Variants in GADL1 observed in about 807,000 individuals in gnomAD.
The protein encoded by GADL1 is acidic amino acid decarboxylase GADL1.
Under a neutral mutation model 69.5 loss-of-function variants are expected in GADL1, and 71 were observed. That is an observed-to-expected ratio of 1.02 (90% CI 0.84 to 1.25). The LOEUF (loss-of-function observed/expected upper bound fraction) is 1.25. Among genes scored for constraint, GADL1 ranks in the 50% most tolerant of loss-of-function variants. GADL1 has a pLI of 0.00. For missense variants in GADL1, 737 were observed against 631.8 expected (o/e 1.17, Z -1.79); for synonymous variants, 254 against 214.4 (o/e 1.18, Z -1.62).
intron 14 of GADL1, among the ~76,000 whole-genome samples, chr3:30,760,400 G>A (rs1196248955): frequency 5.9e-5 from 9 of 151,850 alleles, no homozygotes; most frequent in African/African-American, 1.2e-4. Context: ...GTATCACTCT[G>A]TGAAACTCCT....
At chr3:30,801,753 T>C (rs1697169612) in intron 11 of GADL1, among the ~76,000 whole-genome samples, 1 of 152,218 alleles carries the variant, frequency 6.6e-6, no homozygotes, top group Non-Finnish European at 1.5e-5. Flanking sequence ...ATCACGATTA[T>C]AGGGCCTTTG....
At position 30,728,156 on chromosome 3, in the gene GADL1, C is replaced by A; in HGVS notation, c.*86G>T. On this transcript the variant is annotated 3_prime_UTR_variant, in exon 15 of 15. Coordinates refer to ENST00000282538, the MANE Select transcript of GADL1 (RefSeq NM_207359.3). The stretch of plus-strand genomic sequence containing the variant: ...TATTCCCTATTTCTCATCAGAAGGG[C>A]TGCAATCTACTGTGTATCTCCAAGA... 2 of 1,195,552 alleles carry A rather than the reference C, an allele frequency of 1.7e-6. No individual in the cohort carries two copies. Among genetic ancestry groups the A allele is most frequent in the Non-Finnish European group, 1.2e-6 (1 of 822,774 alleles). The allele number at this position is 1,195,552 out of a possible 1,614,324, so 74.1% of individuals were successfully genotyped here. A position where few individuals can be genotyped will look rare whatever the true frequency, so the allele number is the denominator to read the frequency against.
intron 11 of GADL1, among the ~76,000 whole-genome samples, chr3:30,814,769 G>C (rs1390399638): frequency 6.6e-6 from 1 of 152,064 alleles, no homozygotes; most frequent in Non-Finnish European, 1.5e-5. Context: ...TTCAAGATCA[G>C]CCTGGCCAAG....
At chr3:30,865,902 A>C (rs1698395547) in intron 1 of GADL1, among the ~76,000 whole-genome samples, 1 of 151,940 alleles carries the variant, frequency 6.6e-6, no homozygotes, top group Admixed American at 6.6e-5. Context: ...CAACTTCTGC[A>C]TTTTTTACCA....
chr3:30,839,248 T>A (rs1043642741), intron 8 of GADL1, 135 bp from the exon 9 acceptor site: 24 of 535,510 alleles, frequency 4.5e-5, no homozygotes, highest in Non-Finnish European at 7.6e-5. Flanking sequence ...ATTCAATGGG[T>A]GTTTTTAAAT....
intron 1 of GADL1, among the ~76,000 whole-genome samples, chr3:30,871,079 G>GTGTGTC (rs1010205282): frequency 2.7e-5 from 4 of 149,572 alleles, no homozygotes; most frequent in East Asian, 3.9e-4. Flanking sequence ...GTGTGTGTGT[G>GTGTGTC]TCCAAGAAAC....
intron 14 of GADL1, among the ~76,000 whole-genome samples, chr3:30,733,692 T>C (rs973608009): frequency 6.6e-6 from 1 of 151,760 alleles, no homozygotes; most frequent in Non-Finnish European, 1.5e-5. Context: ...TTGCTTGCTT[T>C]CTCTTCTTTC....
At chr3:30,844,354 A>T in intron 7 of GADL1, 33 bp downstream of exon 7, 1 of 1,581,644 alleles carries the variant, frequency 6.3e-7, no homozygotes, top group Non-Finnish European at 8.7e-7. Context: ...TTTTCCCTCC[A>T]CCCACCAGGC....
At chr3:30,760,440 G>C (rs1696099699) in intron 14 of GADL1, among the ~76,000 whole-genome samples, 1 of 152,058 alleles carries the variant, frequency 6.6e-6, no homozygotes, top group African/African-American at 2.4e-5. Context: ...ACTTGTCATA[G>C]CCACCAACTT....
intron 1 of GADL1, among the ~76,000 whole-genome samples, chr3:30,883,235 A>G (rs1381593288): frequency 6.6e-6 from 1 of 151,954 alleles, no homozygotes; most frequent in East Asian, 1.9e-4. Context: ...ATCCAATGTC[A>G]TAAGGCTTTC....
chr3:30,728,350 G>C lies in GADL1; in HGVS notation c.1458C>G (p.His486Gln), dbSNP rs1481226754. ...KGSLMLGYQP[H>Q]RGKVNFFRQV... Reference sequence around the variant, plus strand: ...GGCGGAAGAAGTTGACCTTTCCCCGGTGCGGCTGGTAGCCCAGCATCAAGC... The same window carrying C: ...GGCGGAAGAAGTTGACCTTTCCCCGCTGCGGCTGGTAGCCCAGCATCAAGC... The change falls in exon 15 of 15, where the codon CAC becomes CAG. Residue 486 changes from histidine to glutamine, a missense_variant. By Grantham distance (24) the His-to-Gln change is conservative. Coordinates refer to ENST00000282538, the MANE Select transcript of GADL1 (RefSeq NM_207359.3). The C allele has an allele frequency of 6.2e-7, 1 of 1,613,812 alleles. No individual in the cohort carries two copies. The highest frequency in any genetic ancestry group is 1.1e-5 in the South Asian group (1 of 91,068).
chr3:30,751,496 C>T (rs966219233), intron 14 of GADL1, among the ~76,000 whole-genome samples: 10 of 150,616 alleles, frequency 6.6e-5, no homozygotes, highest in Admixed American at 4.7e-4. Flanking sequence ...TAACTAGAAC[C>T]TGGGCAACTA....
chr3:30,814,162 A>C (rs1235983926), intron 11 of GADL1, among the ~76,000 whole-genome samples: 2 of 152,214 alleles, frequency 1.3e-5, no homozygotes, highest in Non-Finnish European at 2.9e-5. Flanking sequence ...AGATAAAAGC[A>C]TCAAGGTTCA....
At chr3:30,759,273 C>G (rs192181949) in intron 14 of GADL1, among the ~76,000 whole-genome samples, 1 of 151,734 alleles carries the variant, frequency 6.6e-6, no homozygotes, top group South Asian at 2.1e-4. Flanking sequence ...ATCTATAAAT[C>G]TTTTTCTTCC....
chr3:30,849,539 T>C (rs898533347), intron 6 of GADL1, among the ~76,000 whole-genome samples: 1 of 132,938 alleles, frequency 7.5e-6, no homozygotes, highest in Non-Finnish European at 1.5e-5. Flanking sequence ...GCAATATCTG[T>C]GTGTGTGTGT....
At chr3:30,886,346 A>G (rs927895735) in intron 1 of GADL1, among the ~76,000 whole-genome samples, 2 of 152,166 alleles carry the variant, frequency 1.3e-5, no homozygotes, top group African/African-American at 2.4e-5. Flanking sequence ...TCTGCACACC[A>G]AAAGACAAGG....
At chr3:30,887,366 T>C (rs1460547526) in intron 1 of GADL1, among the ~76,000 whole-genome samples, 1 of 152,086 alleles carries the variant, frequency 6.6e-6, no homozygotes, top group Non-Finnish European at 1.5e-5. Flanking sequence ...TGAGAAAGCA[T>C]TTATAGATTA....
intron 13 of GADL1, among the ~76,000 whole-genome samples, chr3:30,784,308 A>G (rs2125498804): frequency 6.6e-6 from 1 of 152,290 alleles, no homozygotes; most frequent in Middle Eastern, 3.4e-3. Flanking sequence ...TTATTTGGTT[A>G]TGCCTCTTCG....
intron 2 of GADL1, among the ~76,000 whole-genome samples, chr3:30,858,946 C>G (rs780956519): frequency 6.6e-6 from 1 of 151,830 alleles, no homozygotes; most frequent in African/African-American, 2.4e-5. Context: ...GCTACCATAA[C>G]CAAGAAGAAA....
Sources: gnomAD v4.1 joint callset for allele counts (sites outside exome capture counted in the v4.1 genomes callset) on GRCh38, gnomAD v4.1.1 for gene constraint, MANE v1.5 for transcripts, NCBI Gene and HGNC (gene_info 2026-07-23, HGNC 2026-07-21) for gene names.